TMC5: variants seen among roughly 807,000 people sequenced by gnomAD.
TMC5 encodes transmembrane channel like 5.
Under a neutral mutation model 110.5 loss-of-function variants are expected in TMC5, and 86 were observed. The observed-to-expected ratio is 0.78, with a 90% CI of 0.65 to 0.93. The LOEUF (loss-of-function observed/expected upper bound fraction) is 0.93, where lower values mean the gene tolerates loss of function less well. TMC5 is among the 40% of genes least tolerant of loss of function. The pLI is 0.00. For missense variants in TMC5, 1,144 were observed against 1,222.8 expected (o/e 0.94, Z 0.96); for synonymous variants, 455 against 439.5 (o/e 1.04, Z -0.44).
At chr16:19,472,402 G>A (rs1237307644) in intron 11 of TMC5, among the ~76,000 whole-genome samples, 159 bp downstream of exon 11, 1 of 152,162 alleles carries the variant, frequency 6.6e-6, no homozygotes, top group African/African-American at 2.4e-5. Flanking sequence ...GAGGCACAGT[G>A]GCTTACACCT....
chr16:19,453,287 C>T (rs1487395987), intron 5 of TMC5, among the ~76,000 whole-genome samples: 3 of 151,878 alleles, frequency 2.0e-5, no homozygotes, highest in African/African-American at 7.2e-5. Flanking sequence ...AACCCCATCT[C>T]TATGAAAAAT....
intron 2 of TMC5, among the ~76,000 whole-genome samples, chr16:19,432,993 G>GTATGGATAT (rs1289796484): frequency 4.6e-5 from 7 of 151,708 alleles, no homozygotes; most frequent in Admixed American, 4.6e-4. Context: ...ATCTTTGTGT[G>GTATGGATAT]TATATACATA....
rs1480386347 is a variant in TMC5, at chr16:19,456,843, CA to C, written c.1049-3390del. ...GACTCAAGCATCAACATGGTTTTGT[CA>C]ATATCTGACATTGATGTGATAGACT... is the stretch of plus-strand genomic sequence containing the variant. On this transcript the variant is annotated intron_variant, in intron 5 of 21. Coordinates refer to ENST00000542583, the MANE Select transcript of TMC5 (RefSeq NM_001261841.2). 5 of 1,614,048 alleles carry C rather than the reference CA, an allele frequency of 3.1e-6. No homozygotes were observed. The African/African-American group carries it at 6.7e-5, about 22-fold the overall frequency.
At chr16:19,460,164 C>T (rs1967985058) in intron 5 of TMC5, 71 bp from the exon 6 acceptor site, 2 of 1,210,554 alleles carry the variant, frequency 1.7e-6, no homozygotes, top group Non-Finnish European at 1.2e-6. Flanking sequence ...GCTCTGACTT[C>T]AGCACCACAT....
intron 9 of TMC5, among the ~76,000 whole-genome samples, chr16:19,467,601 C>A (rs2143616349): frequency 6.6e-6 from 1 of 152,164 alleles, no homozygotes; most frequent in South Asian, 2.1e-4. Flanking sequence ...CCTGCCTCAG[C>A]CTCCCTAGTA....
rs1056184544 is a variant in TMC5, at chr16:19,463,348, G to A, written c.1217G>A (p.Cys406Tyr). 10 of 1,613,694 alleles carry A rather than the reference G, an allele frequency of 6.2e-6. No homozygotes were observed. Among genetic ancestry groups the A allele is most frequent in the Non-Finnish European group, 8.5e-6 (10 of 1,179,744 alleles). ...RILQLNCCIQ[C>Y]LNSISRAYRR... is the part of the protein sequence containing the mutation. The stretch of plus-strand genomic sequence containing the variant: ...CTTCAGCTCAATTGCTGTATTCAGT[G>A]TCTGAACTCCATTTCCCGGGTAAGT... Residue 406 changes from cysteine (C) to tyrosine (Y), a missense_variant, in exon 7 of 22, where the codon TGT becomes TAT. Cys to Tyr is a radical substitution (Grantham distance 194). Coordinates refer to ENST00000542583, the MANE Select transcript of TMC5 (RefSeq NM_001261841.2).
intron 15 of TMC5, among the ~76,000 whole-genome samples, chr16:19,483,773 T>C (rs1968671478): frequency 7.0e-6 from 1 of 142,288 alleles, no homozygotes; most frequent in East Asian, 2.1e-4. Flanking sequence ...AGTGAAACTC[T>C]GTCTCAAAAA....
intron 15 of TMC5, 68 bp from the exon 16 acceptor site, chr16:19,486,877 C>A: frequency 7.2e-7 from 1 of 1,396,080 alleles, no homozygotes; most frequent in Non-Finnish European, 1.0e-6. Flanking sequence ...TCCCCCCAAC[C>A]ATCCCAGATT....
At chr16:19,449,667 A>C in intron 5 of TMC5, 36 bp downstream of exon 5, 1 of 1,567,320 alleles carries the variant, frequency 6.4e-7, no homozygotes, top group Non-Finnish European at 8.8e-7. Context: ...TCCCCACCCA[A>C]CTCTCATTTC....
At chr16:19,496,843 T>C (rs956212957) in intron 20 of TMC5, among the ~76,000 whole-genome samples, 14 of 129,796 alleles carry the variant, frequency 1.1e-4, no homozygotes, top group Middle Eastern at 5.3e-3. Flanking sequence ...TGAGCCGAGA[T>C]CATGCCATTC....
rs114600730 is a variant in TMC5, at chr16:19,460,937, G to T, written c.1148+603G>T. On this transcript the variant is annotated intron_variant, in intron 6 of 21. Transcript: ENST00000542583. Reference sequence around the variant, plus strand: ...TTGGGAGGCCAAGGTGGTGGGATTAGTTGAGCTCAGGAGTTCGAGACCAGC... The same window carrying T: ...TTGGGAGGCCAAGGTGGTGGGATTATTTGAGCTCAGGAGTTCGAGACCAGC... Among the ~76,000 whole-genome samples the T allele has an allele frequency of 2.0e-3, 298 of 151,852 alleles. 1 individual carries two copies. The highest frequency in any genetic ancestry group is 0.01 in the Middle Eastern group (3 of 294).
intron 15 of TMC5, among the ~76,000 whole-genome samples, chr16:19,482,142 C>T (rs1245198752): frequency 6.6e-6 from 1 of 152,180 alleles, no homozygotes; most frequent in Non-Finnish European, 1.5e-5. Context: ...TCACTGCAAC[C>T]TCCGCCTCCT....
chr16:19,477,013 G>A (rs151259080), intron 12 of TMC5: 4,361 of 184,654 alleles, frequency 0.024, 216 homozygotes, highest in African/African-American at 0.096. Flanking sequence ...TTGGGAGGCC[G>A]AGGCGGGTGG....
At chr16:19,480,567 G>A (rs1331187771) in intron 14 of TMC5, among the ~76,000 whole-genome samples, 2 of 152,150 alleles carry the variant, frequency 1.3e-5, no homozygotes, top group Non-Finnish European at 2.9e-5. Flanking sequence ...CACTTTGGGA[G>A]GCCAAGGCGG....
At chr16:19,495,023 T>TAC (rs1412472262) in intron 20 of TMC5, among the ~76,000 whole-genome samples, 84 of 49,204 alleles carry the variant, frequency 1.7e-3, no homozygotes, top group Middle Eastern at 9.1e-3. Flanking sequence ...TTTTTTTTTT[T>TAC]TTTTTTTTTG....
At chr16:19,420,048 A>C (rs1440938143) in intron 1 of TMC5, among the ~76,000 whole-genome samples, 2 of 151,816 alleles carry the variant, frequency 1.3e-5, no homozygotes, top group Non-Finnish European at 2.9e-5. Flanking sequence ...TGCAGCCTTG[A>C]ACTTCTGGGC....
chr16:19,436,821 T>A (rs189135214), intron 2 of TMC5, among the ~76,000 whole-genome samples: 1 of 152,294 alleles, frequency 6.6e-6, no homozygotes, highest in African/African-American at 2.4e-5. Flanking sequence ...TCTGTTCTCC[T>A]CCCTGTTAGC....
intron 2 of TMC5, among the ~76,000 whole-genome samples, chr16:19,431,371 T>A (rs1277471392): frequency 6.6e-6 from 1 of 151,698 alleles, no homozygotes; most frequent in Admixed American, 6.6e-5. Flanking sequence ...TGAAACCCCG[T>A]CTCTACTAAA....
chr16:19,443,766 T>TTGGA (rs536448855), intron 3 of TMC5, among the ~76,000 whole-genome samples: 3 of 151,220 alleles, frequency 2.0e-5, no homozygotes, highest in African/African-American at 7.3e-5. Flanking sequence ...GTATGTATGG[T>TTGGA]TGGATGGATG....
Sources: allele counts gnomAD v4.1 joint callset (sites outside exome capture counted in the v4.1 genomes callset), GRCh38; gene constraint gnomAD v4.1.1; transcripts MANE v1.5; gene names NCBI Gene and HGNC (gene_info 2026-07-23, HGNC 2026-07-21).